The following RDH5 variants were observed in gnomAD, a reference collection of about 807,000 sequenced individuals.
The protein encoded by RDH5 is 11-cis RDH.
Under a neutral mutation model 24.0 loss-of-function variants are expected in RDH5, and 25 were observed. The ratio of observed to expected loss-of-function variants is 1.04; its 90% CI spans 0.76 to 1.46. RDH5 has a LOEUF of 1.46. Among genes scored for constraint, RDH5 ranks in the 40% most tolerant of loss-of-function variants. RDH5 has a pLI of 0.00. For synonymous variants in RDH5, 170 were observed against 175.2 expected, an observed-to-expected ratio of 0.97 and a Z score of 0.23; for missense variants, 369 against 410.3, an observed-to-expected ratio of 0.90 and a Z score of 0.87.
chr12:55,722,660 C>G (rs1177615846), intron 3 of RDH5: 1 of 151,794 alleles, frequency 6.6e-6, no homozygotes, highest in Non-Finnish European at 1.5e-5. Context: ...CTCAGCCTCC[C>G]GATTAGCTGG....
At chr12:55,723,760 T>C (rs1403946894) in intron 3 of RDH5, 126 bp from the exon 4 acceptor site, 6 of 1,069,684 alleles carry the variant, frequency 5.6e-6, no homozygotes, top group South Asian at 2.6e-5. Flanking sequence ...CCCGGGGCAG[T>C]AGGCATCTCC....
chr12:55,724,099 A>C, intron 4 of RDH5, 50 bp downstream of exon 4: 2 of 1,588,044 alleles, frequency 1.3e-6, no homozygotes, highest in Non-Finnish European at 8.5e-7. Context: ...CAAGTACCAG[A>C]AAGGCCAGTC....
In RDH5 at chr12:55,721,622, C is replaced by A; in HGVS notation, c.311-67C>A. On this transcript the variant is annotated intron_variant, in intron 2 of 4. Coordinates refer to ENST00000257895, the MANE Select transcript of RDH5 (RefSeq NM_002905.5). This position sits in a 1 kb window ranked among gnomAD's most constrained non-coding sequence, Gnocchi z 4.7. ...TGAGGAGAAGCAGTTTTCAGATGCT[C>A]CCAGGAAGAAGAGGGAGCTGTGGGA... 3 of 1,599,776 alleles carry A rather than the reference C, an allele frequency of 1.9e-6. No individual in the cohort carries two copies. The highest frequency in any genetic ancestry group is 2.2e-5 in the South Asian group (2 of 90,808).
At position 55,724,383 on chromosome 12, in the gene RDH5, C is replaced by T; in HGVS notation, c.795C>T (p.Ser265=). 6.2e-7 allele frequency: 1 copy of T among 1,614,206 alleles called. No homozygotes were observed. The highest frequency in any genetic ancestry group is 8.5e-7 in the Non-Finnish European group (1 of 1,180,046). Residue 265 remains serine, a synonymous_variant, in exon 5 of 5, where the codon AGC becomes AGT. Transcript: ENST00000257895. The part of the protein sequence containing the change: ...LICDPDLTKV[S]RCLEHALTAR... Reference sequence around the variant, plus strand: ...GTGACCCGGACCTAACCAAGGTGAGCCGATGCCTGGAGCATGCCCTGACTG... The same window carrying T: ...GTGACCCGGACCTAACCAAGGTGAGTCGATGCCTGGAGCATGCCCTGACTG...
rs1876891147 is a variant in RDH5, at chr12:55,721,118, A to G, written c.-32-35A>G. The G allele has an allele frequency of 6.9e-7, 1 of 1,451,270 alleles. No homozygotes were observed. The highest frequency in any genetic ancestry group is 9.7e-7 in the Non-Finnish European group (1 of 1,033,962). The allele number at this position is 1,451,270 out of a possible 1,614,324, so 89.9% of individuals were successfully genotyped here. On this transcript the variant is annotated intron_variant, in intron 1 of 4. Coordinates refer to ENST00000257895, the MANE Select transcript of RDH5 (RefSeq NM_002905.5). The surrounding 1 kb of genome is among the most constrained non-coding windows in gnomAD (Gnocchi z 4.7). ...TATTAGGGGAAAGGGCTTGAGGGCC[A>G]CAGTAAACTGGACAAGTTTTTCTGC...
chr12:55,721,499 G>T lies in RDH5; in HGVS notation c.310+5G>T. The T allele has an allele frequency of 6.2e-7, 1 of 1,604,700 alleles. No individual in the cohort carries two copies. Among genetic ancestry groups the T allele is most frequent in the East Asian group, 2.2e-5 (1 of 44,884 alleles). ...AGATGCACGTTAAGGAAGCAGGTAA[G>T]TATGGTAGACCACCAGGAATATGGT... On this transcript the variant is annotated splice_donor_5th_base_variant and intron_variant, in intron 2 of 4. Transcript: ENST00000257895. This position sits in a 1 kb window ranked among gnomAD's most constrained non-coding sequence, Gnocchi z 4.7.
chr12:55,723,843 T>C (rs987843581), intron 3 of RDH5, 43 bp from the exon 4 acceptor site: 3 of 1,608,472 alleles, frequency 1.9e-6, no homozygotes, highest in Admixed American at 3.3e-5. Flanking sequence ...GTCCCCTCCC[T>C]ATAGGGCAAG....
intron 3 of RDH5, chr12:55,723,660 T>C: frequency 1.8e-6 from 1 of 565,652 alleles, no homozygotes; most frequent in African/African-American, 1.9e-5. Flanking sequence ...TCTCTGGCCC[T>C]TTAAGAAAAA....
intron 1 of RDH5, chr12:55,720,844 G>A (rs1389890637): frequency 3.5e-6 from 1 of 281,792 alleles, no homozygotes; most frequent in Admixed American, 5.5e-5. Context: ...AGATGCCTCT[G>A]CTGCACTCCA....
chr12:55,723,046 C>G (rs890478337), intron 3 of RDH5: 2 of 152,142 alleles, frequency 1.3e-5, no homozygotes, highest in African/African-American at 4.8e-5. Flanking sequence ...GGTGCAGTCA[C>G]GGCCCACTGA....
At position 55,724,671 on chromosome 12, in the gene RDH5, TAAA is replaced by T. The variant is rs1877122152; in HGVS notation, c.*129_*131del. On this transcript the variant is annotated 3_prime_UTR_variant, in exon 5 of 5. Transcript: ENST00000257895. Reference sequence around the variant, plus strand: ...TAACAAAAGTGTATTGTTTAAAAAATAAAAAGAAGGTGGGCAGAAATGTGCCCA... The same window carrying T: ...TAACAAAAGTGTATTGTTTAAAAAATAAGAAGGTGGGCAGAAATGTGCCCA... 7 of 967,988 alleles carry T rather than the reference TAAA, an allele frequency of 7.2e-6. No individual in the cohort carries two copies. The highest frequency in any genetic ancestry group is 1.1e-5 in the Non-Finnish European group (7 of 629,026). The allele number at this position is 967,988 out of a possible 1,614,324, so 60.0% of individuals were successfully genotyped here. A position where few individuals can be genotyped will look rare whatever the true frequency, so the allele number is the denominator to read the frequency against.
In RDH5 at chr12:55,721,803, G is replaced by C. The variant is rs945432615; in HGVS notation, c.425G>C (p.Gly142Ala). The C allele has an allele frequency of 6.2e-6, 10 of 1,613,920 alleles. No individual in the cohort carries two copies. Among genetic ancestry groups the C allele is most frequent in the Non-Finnish European group, 7.6e-6 (9 of 1,180,036 alleles). ...VLNVNTMGPIGVTLALLPLLQ... is the reference protein window; with the variant it reads ...VLNVNTMGPIAVTLALLPLLQ... ...AATGTGAACACAATGGGTCCCATCGGGGTCACCCTTGCCCTGCTGCCTCTG... is the reference window on the plus strand; with the variant it reads ...AATGTGAACACAATGGGTCCCATCGCGGTCACCCTTGCCCTGCTGCCTCTG... Residue 142 changes from glycine to alanine, a missense_variant, in exon 3 of 5, where the codon GGG becomes GCG. Physicochemically the swap from Gly to Ala is moderately conservative, Grantham distance 60. Coordinates refer to ENST00000257895, the MANE Select transcript of RDH5 (RefSeq NM_002905.5). The surrounding 1 kb of genome is among the most constrained non-coding windows in gnomAD (Gnocchi z 4.7).
chr12:55,723,839 TC>T, intron 3 of RDH5, 46 bp from the exon 4 acceptor site: 7 of 1,607,036 alleles, frequency 4.4e-6, no homozygotes, highest in Non-Finnish European at 5.1e-6. Context: ...CAAAGTCCCC[TC>T]CCTATAGGGC....
intron 1 of RDH5, chr12:55,720,883 CAAAA>C (rs4016511): frequency 7.1e-3 from 711 of 100,004 alleles, no homozygotes; most frequent in South Asian, 0.014. Context: ...GACTCCATCT[CAAAA>C]AAAAAAAAAA....
In RDH5 at chr12:55,721,082, G is replaced by C; in HGVS notation, c.-32-71G>C. On this transcript the variant is annotated intron_variant, in intron 1 of 4. Transcript: ENST00000257895. This position sits in a 1 kb window ranked among gnomAD's most constrained non-coding sequence, Gnocchi z 4.7. ...AATATGCTCACACCAGATGCTTCCAGCTAGGGAGGGTATTAGGGGAAAGGG... is the reference window on the plus strand; with the variant it reads ...AATATGCTCACACCAGATGCTTCCACCTAGGGAGGGTATTAGGGGAAAGGG... The C allele has an allele frequency of 9.7e-7, 1 of 1,026,530 alleles. No individual in the cohort carries two copies. The highest frequency in any genetic ancestry group is 1.5e-6 in the Non-Finnish European group (1 of 650,094). 63.6% of individuals were successfully genotyped at this position (1,026,530 alleles called of 1,614,324 possible). A position where few individuals can be genotyped will look rare whatever the true frequency, so the allele number is the denominator to read the frequency against.
Position 55,724,041 on chromosome 12 carries a change from T to C in RDH5, c.725T>C (p.Leu242Pro). The C allele has an allele frequency of 6.2e-7, 1 of 1,609,972 alleles. No homozygotes were observed. Among genetic ancestry groups the C allele is most frequent in the Non-Finnish European group, 8.5e-7 (1 of 1,179,610 alleles). ...ATQAHYGGAF[L>P]TKYLKMQQRI... ...CAGGCCCACTATGGGGGGGCCTTCCTCACCAAGTGTGAGTAGCCAGGCCCA... is the reference window on the plus strand; with the variant it reads ...CAGGCCCACTATGGGGGGGCCTTCCCCACCAAGTGTGAGTAGCCAGGCCCA... The change falls in exon 4 of 5, where the codon CTC (leucine) becomes CCC (proline). Residue 242 changes from leucine to proline, a missense_variant. Leu to Pro is a moderately conservative substitution (Grantham distance 98, BLOSUM62 -3). Coordinates refer to ENST00000257895, the MANE Select transcript of RDH5 (RefSeq NM_002905.5).
In RDH5 at chr12:55,721,352, G is replaced by T; in HGVS notation, c.168G>T (p.Leu56=). 6.2e-7 allele frequency: 1 copy of T among 1,613,900 alleles called. No homozygotes were observed. The highest frequency in any genetic ancestry group is 8.5e-7 in the Non-Finnish European group (1 of 1,180,038). ...LQLDQRGFRV[L]ASCLTPSGAE... is the part of the protein sequence containing the mutation. ...TGGACCAGAGAGGCTTCCGAGTCCTGGCCAGCTGCCTGACCCCCTCCGGGG... is the reference window on the plus strand; with the variant it reads ...TGGACCAGAGAGGCTTCCGAGTCCTTGCCAGCTGCCTGACCCCCTCCGGGG... The change falls in exon 2 of 5, where the codon CTG becomes CTT. Residue 56 remains leucine (L), a synonymous_variant. Coordinates refer to ENST00000257895, the MANE Select transcript of RDH5 (RefSeq NM_002905.5). The surrounding 1 kb of genome is among the most constrained non-coding windows in gnomAD (Gnocchi z 4.7).
In RDH5 at chr12:55,720,420, T is replaced by C. The variant is rs1326263513; in HGVS notation, c.-130T>C. On this transcript the variant is annotated 5_prime_UTR_variant, in exon 1 of 5. Coordinates refer to ENST00000257895, the MANE Select transcript of RDH5 (RefSeq NM_002905.5). ...TCCGGACTTTGGCCTTAGCAGTAGT[T>C]AGTGTGGGAGGCTGGGAAGACTGGG... The C allele has an allele frequency of 6.6e-6, 1 of 152,438 alleles. No individual in the cohort carries two copies. The highest frequency in any genetic ancestry group is 1.5e-5 in the Non-Finnish European group (1 of 68,260). 9.4% of individuals were successfully genotyped at this position (152,438 alleles called of 1,614,324 possible).
In RDH5 at chr12:55,724,621, C is replaced by A; in HGVS notation, c.*76C>A. The stretch of plus-strand genomic sequence containing the variant: ...ATTTCTGCCCCCACCCTGGTACTGC[C>A]TGGTGCCTGCCACAAAATAAGCACT... On this transcript the variant is annotated 3_prime_UTR_variant, in exon 5 of 5. Transcript: ENST00000257895. 1 of 1,290,468 alleles carries A rather than the reference C, an allele frequency of 7.7e-7. No individual in the cohort carries two copies. The allele number at this position is 1,290,468 out of a possible 1,614,324, so 79.9% of individuals were successfully genotyped here. A position where few individuals can be genotyped will look rare whatever the true frequency, so the allele number is the denominator to read the frequency against.
Sources: allele counts gnomAD v4.1 joint callset, GRCh38; gene constraint gnomAD v4.1.1; non-coding constraint Gnocchi (gnomAD v3.1); transcripts MANE v1.5; gene names NCBI Gene and HGNC (gene_info 2026-07-23, HGNC 2026-07-21).